Variants in POLA1 observed in about 807,000 individuals in gnomAD.
The protein encoded by POLA1 is DNA polymerase alpha 1, catalytic subunit.
POLA1 carries 15 observed loss-of-function variants against 124.0 expected under a neutral mutation model. The observed-to-expected ratio is 0.12, with a 90% CI of 0.08 to 0.19. POLA1 has a LOEUF of 0.19. Ranked by LOEUF, POLA1 falls within the 10% of genes least tolerant of loss-of-function variation. The pLI, the probability that POLA1 is intolerant of heterozygous loss-of-function variation, is 1.00. For missense variants in POLA1, 886 were observed against 1,103.4 expected (o/e 0.80, Z 2.79); for synonymous variants, 408 against 389.4 (o/e 1.05, Z -0.56).
intron 23 of POLA1, chrX:24,744,543 AG>A: frequency 5.6e-6 from 2 of 354,437 alleles, no homozygotes; most frequent in South Asian, 5.2e-5. Flanking sequence ...GCAAGTAAAA[AG>A]GGTGGGTCGT....
intron 36 of POLA1, among the ~76,000 whole-genome samples, chrX:24,991,823 A>G (rs2048538481): frequency 8.9e-6 from 1 of 112,789 alleles, no homozygotes; most frequent in Admixed American, 9.4e-5. Flanking sequence ...GGAACTGGAT[A>G]GTGGACTAAC....
chrX:24,943,397 T>C, intron 36 of POLA1, among the ~76,000 whole-genome samples: 1 of 112,622 alleles, frequency 8.9e-6, no homozygotes, highest in Non-Finnish European at 1.9e-5. Flanking sequence ...TTTTGTTGTG[T>C]TTTGTTTTTT....
rs374280742 is a variant in POLA1, at chrX:24,974,679, G to A, written c.4262-21126G>A. 1.5e-4 allele frequency among the ~76,000 whole-genome samples: 17 copies of A among 110,243 alleles called. No homozygotes were observed. In the South Asian group the frequency reaches 6.4e-3, roughly 41 times the overall value. On this transcript the variant is annotated intron_variant, in intron 36 of 36. Transcript: ENST00000379068. ...GGGGTGGGGGGCAAGGGGAGAGAGA[G>A]CATTAGGACAAGTATCTACTGCATG...
intron 36 of POLA1, among the ~76,000 whole-genome samples, chrX:24,951,694 G>C (rs1055537443): frequency 3.1e-4 from 35 of 111,252 alleles, no homozygotes; most frequent in African/African-American, 1.1e-3. Flanking sequence ...TAAAATATTA[G>C]TTATTATGTA....
At chrX:24,758,720 G>C (rs1213806483) in intron 26 of POLA1, among the ~76,000 whole-genome samples, 3 of 112,256 alleles carry the variant, frequency 2.7e-5, no homozygotes, top group Non-Finnish European at 5.6e-5. Context: ...GTCTCGCACT[G>C]TCTCGCTGGA....
In POLA1 at chrX:24,748,875, C is replaced by T. The variant is rs1932169120; in HGVS notation, c.2847C>T (p.Asp949=). The change falls in exon 26 of 37, where the codon GAC becomes GAT. Residue 949 remains aspartate (D), a synonymous_variant. Transcript: ENST00000379068. ...TTGTTCTGTGTGGCCTGCAGTATGA[C>T]ATTCGACAGAAGGCTTTGAAGCTCA... ...DLNPDLILQY[D]IRQKALKLTA... 2 of 1,207,739 alleles carry T rather than the reference C, an allele frequency of 1.7e-6. No homozygotes were observed. The highest frequency in any genetic ancestry group is 3.5e-5 in the African/African-American group (2 of 57,210).
chrX:24,887,977 A>G (rs774268459), intron 34 of POLA1, 29 bp from the exon 35 acceptor site: 1 of 919,654 alleles, frequency 1.1e-6, no homozygotes, highest in African/African-American at 1.9e-5. Flanking sequence ...GTCGATGGTG[A>G]TAAGTCTGAA....
chrX:24,940,673 T>C (rs777050460), intron 36 of POLA1, among the ~76,000 whole-genome samples: 1 of 112,406 alleles, frequency 8.9e-6, no homozygotes, highest in South Asian at 3.7e-4. Flanking sequence ...TTAAAATGTA[T>C]GAGTTATTTC....
intron 26 of POLA1, among the ~76,000 whole-genome samples, chrX:24,763,737 GAC>G (rs1932840854): frequency 8.9e-6 from 1 of 111,846 alleles, no homozygotes; most frequent in South Asian, 3.8e-4. Flanking sequence ...GTCAGGAAGA[GAC>G]ACTGATGATA....
At chrX:24,972,927 T>G (rs750141972) in intron 36 of POLA1, among the ~76,000 whole-genome samples, 14 of 112,589 alleles carry the variant, frequency 1.2e-4, no homozygotes, top group Non-Finnish European at 2.3e-4. Context: ...AGTTCTTGAC[T>G]TTTTTTCCTT....
chrX:24,930,815 C>G (rs1279600459), intron 36 of POLA1, among the ~76,000 whole-genome samples: 1 of 112,202 alleles, frequency 8.9e-6, no homozygotes, highest in Admixed American at 9.4e-5. Flanking sequence ...TCTTTAAATG[C>G]TATATTTTGA....
chrX:24,942,305 C>T (rs930040752), intron 36 of POLA1, among the ~76,000 whole-genome samples: 16 of 111,864 alleles, frequency 1.4e-4, no homozygotes, highest in East Asian at 8.5e-4. Context: ...GTTAAGAGCC[C>T]GGCTTTTCTT....
At chrX:24,958,252 T>C (rs1162559219) in intron 36 of POLA1, among the ~76,000 whole-genome samples, 1 of 111,823 alleles carries the variant, frequency 8.9e-6, no homozygotes, top group Non-Finnish European at 1.9e-5. Flanking sequence ...TTTAATCTTA[T>C]ATTTCCCTGC....
intron 26 of POLA1, among the ~76,000 whole-genome samples, chrX:24,806,535 A>G (rs760405388): frequency 1.8e-5 from 2 of 111,342 alleles, no homozygotes; most frequent in South Asian, 7.8e-4. Context: ...CTTGTATAGA[A>G]TGGGCTGAAG....
chrX:24,712,737 A>G (rs755126782), intron 4 of POLA1, among the ~76,000 whole-genome samples: 2 of 111,692 alleles, frequency 1.8e-5, no homozygotes, highest in South Asian at 7.5e-4. Flanking sequence ...GTAAAGTTTC[A>G]TTTTTAAAAA....
intron 34 of POLA1, among the ~76,000 whole-genome samples, chrX:24,876,193 G>T (rs1302918779): frequency 8.9e-6 from 1 of 112,138 alleles, no homozygotes; most frequent in Non-Finnish European, 1.9e-5. Flanking sequence ...CAGCACATTG[G>T]TGATATTGAA....
rs921741471 is a variant in POLA1, at chrX:24,977,442, C to CT, written c.4262-18354dup. ...ATCCTTTATATATTTGACCTGTGTC[C>CT]TTTTTTTTTCTCCTTCCTTGTTAGA... On this transcript the variant is annotated intron_variant, in intron 36 of 36. Coordinates refer to ENST00000379068, the MANE Select transcript of POLA1 (RefSeq NM_001330360.2). 7.1e-4 allele frequency among the ~76,000 whole-genome samples: 78 copies of CT among 110,505 alleles called. 1 individual carries two copies. The highest frequency in any genetic ancestry group is 2.1e-3 in the African/African-American group (63 of 30,422).
At chrX:24,800,515 G>A (rs1044237001) in intron 26 of POLA1, among the ~76,000 whole-genome samples, 6 of 111,241 alleles carry the variant, frequency 5.4e-5, no homozygotes, top group Admixed American at 1.9e-4. Flanking sequence ...AGTAGATTTG[G>A]TTCAAGTGTG....
At chrX:24,725,129 G>A (rs771098077) in intron 12 of POLA1, among the ~76,000 whole-genome samples, 59 of 109,703 alleles carry the variant, frequency 5.4e-4, no homozygotes, top group South Asian at 1.2e-3. Flanking sequence ...CGGACTGCTT[G>A]TGGTTTAAGT....
Sources: gnomAD v4.1 joint callset for allele counts (sites outside exome capture counted in the v4.1 genomes callset) on GRCh38, gnomAD v4.1.1 for gene constraint, MANE v1.5 for transcripts, NCBI Gene and HGNC (gene_info 2026-07-23, HGNC 2026-07-21) for gene names.